Variants in LHCGR observed in about 807,000 individuals in gnomAD.
LHCGR encodes lutropin-choriogonadotropic hormone receptor.
Under a neutral mutation model 60.7 loss-of-function variants are expected in LHCGR, and 55 were observed. The observed-to-expected ratio is 0.91, with a 90% CI of 0.73 to 1.13. The LOEUF (loss-of-function observed/expected upper bound fraction) is 1.13, where lower values mean the gene tolerates loss of function less well. Ranked by LOEUF, LHCGR falls within the 50% of genes most tolerant of loss-of-function variation. The pLI is 0.00. For synonymous variants in LHCGR, 337 were observed against 316.5 expected, an observed-to-expected ratio of 1.06 and a Z score of -0.69; for missense variants, 862 against 836.0, an observed-to-expected ratio of 1.03 and a Z score of -0.38.
chr2:48,739,246 C>T (rs954722287), intron 1 of LHCGR, among the ~76,000 whole-genome samples: 9 of 152,340 alleles, frequency 5.9e-5, no homozygotes, highest in Non-Finnish European at 7.3e-5. Context: ...TTGTGGAAGT[C>T]AGTGTGGCGA....
intron 1 of LHCGR, among the ~76,000 whole-genome samples, chr2:48,746,244 T>C (rs1404179414): frequency 6.6e-6 from 1 of 152,238 alleles, no homozygotes; most frequent in Non-Finnish European, 1.5e-5. Context: ...GAATTGATTC[T>C]TCTGTTTGTC....
intron 1 of LHCGR, among the ~76,000 whole-genome samples, chr2:48,737,991 C>A (rs907189975): frequency 1.3e-5 from 2 of 152,186 alleles, no homozygotes; most frequent in African/African-American, 2.4e-5. Flanking sequence ...CTGTTGTCCT[C>A]CAACAATCAA....
chr2:48,737,066 A>G (rs1244799108), intron 1 of LHCGR, among the ~76,000 whole-genome samples: 5 of 152,206 alleles, frequency 3.3e-5, no homozygotes, highest in African/African-American at 1.2e-4. Context: ...CAGGGAAGAA[A>G]TGCAGCACCA....
intron 1 of LHCGR, among the ~76,000 whole-genome samples, chr2:48,751,952 A>G (rs991246016): frequency 1.4e-4 from 21 of 152,206 alleles, no homozygotes; most frequent in South Asian, 6.2e-4. Flanking sequence ...AAGCAGATCA[A>G]CCTTTCTGTT....
At position 48,731,285 on chromosome 2, in the gene LHCGR, G is replaced by C. The variant is rs1668973210; in HGVS notation, c.175C>G (p.Leu59Val). The C allele has an allele frequency of 6.2e-7, 1 of 1,610,922 alleles. No homozygotes were observed. The highest frequency in any genetic ancestry group is 1.3e-5 in the African/African-American group (1 of 74,838). The change falls in exon 2 of 11, where the codon CTC (leucine) becomes GTC (valine). Residue 59 changes from leucine to valine, a missense_variant. Physicochemically the swap from Leu to Val is conservative, Grantham distance 32 (BLOSUM62 1). Coordinates refer to ENST00000294954, the MANE Select transcript of LHCGR (RefSeq NM_000233.4). ...TGAGATGGGATCACTTTGACAGGGA[G>C]GTAGGCAAGTGATCTAGAAAAGAAA... ...AGLTRLSLAY[L>V]PVKVIPSQAF...
chr2:48,707,011 C>T (rs918394432), intron 8 of LHCGR, among the ~76,000 whole-genome samples: 3 of 152,186 alleles, frequency 2.0e-5, no homozygotes, highest in Admixed American at 6.5e-5. Context: ...GCTCTGGTTT[C>T]TCCCCATCTT....
At chr2:48,690,916 T>C (rs1048644939) in intron 10 of LHCGR, among the ~76,000 whole-genome samples, 2 of 152,254 alleles carry the variant, frequency 1.3e-5, no homozygotes, top group African/African-American at 4.8e-5. Flanking sequence ...AGAGTGTTCA[T>C]TCAATACATG....
At chr2:48,749,071 G>A (rs4074648) in intron 1 of LHCGR, among the ~76,000 whole-genome samples, 118,731 of 152,286 alleles carry the variant, frequency 0.78, 46,833 homozygotes, top group African/African-American at 0.9. Flanking sequence ...TCAAGGACAA[G>A]TGTAACAGCA....
chr2:48,712,590 A>T (rs13393141), intron 7 of LHCGR, among the ~76,000 whole-genome samples: 18,713 of 152,108 alleles, frequency 0.12, 1,388 homozygotes, highest in Middle Eastern at 0.23. Context: ...AGAACAACTT[A>T]AAAAATTCTA....
chr2:48,725,609 C>G (rs1668682750), intron 4 of LHCGR, 67 bp downstream of exon 4: 4 of 1,111,836 alleles, frequency 3.6e-6, no homozygotes, highest in Non-Finnish European at 4.1e-6. Flanking sequence ...CAACCTTTTC[C>G]TTGTTTTGAT....
At chr2:48,708,221 C>T (rs755628801) in intron 8 of LHCGR, among the ~76,000 whole-genome samples, 3 of 152,184 alleles carry the variant, frequency 2.0e-5, no homozygotes, top group East Asian at 3.9e-4. Context: ...CTAATCCTTG[C>T]ACCCTCAGAG....
intron 7 of LHCGR, among the ~76,000 whole-genome samples, chr2:48,710,870 C>T (rs1169125708): frequency 6.6e-6 from 1 of 152,166 alleles, no homozygotes; most frequent in Non-Finnish European, 1.5e-5. Flanking sequence ...GAAAATTTTG[C>T]TTGACAGTTT....
Position 48,688,669 on chromosome 2 carries a change from T to C in LHCGR, c.1128A>G (p.Gly376=), listed in dbSNP as rs375052537. The C allele has an allele frequency of 1.9e-6, 3 of 1,614,048 alleles. No homozygotes were observed. Among genetic ancestry groups the C allele is most frequent in the Non-Finnish European group, 2.5e-6 (3 of 1,180,050 alleles). Residue 376 remains glycine (G), a synonymous_variant, in exon 11 of 11, where the codon GGA becomes GGG. Coordinates refer to ENST00000294954, the MANE Select transcript of LHCGR (RefSeq NM_000233.4). This position sits in a 1 kb window ranked among gnomAD's most constrained non-coding sequence, Gnocchi z 5.2. ...GGAGAACAAAAAGAACAGTCATGTT[T>C]CCCATGATGGCTAGAATATTAATCA... ...IWLINILAIM[G]NMTVLFVLLT...
intron 8 of LHCGR, among the ~76,000 whole-genome samples, chr2:48,705,786 T>A (rs1667634592): frequency 6.6e-6 from 1 of 152,168 alleles, no homozygotes; most frequent in Non-Finnish European, 1.5e-5. Flanking sequence ...CCTATGTGTG[T>A]CTTTGCATGT....
chr2:48,688,758 G>C lies in LHCGR; in HGVS notation c.1039C>G (p.Pro347Ala), dbSNP rs747440074. The C allele has an allele frequency of 1.2e-6, 2 of 1,614,062 alleles. No individual in the cohort carries two copies. Among genetic ancestry groups the C allele is most frequent in the East Asian group, 2.2e-5 (1 of 44,876 alleles). The part of the protein sequence containing the change: ...LPKTPRCAPE[P>A]DAFNPCEDIM... The stretch of plus-strand genomic sequence containing the variant: ...TCTTCACAGGGATTAAAAGCATCTG[G>C]TTCAGGAGCACATCGGGGTGTCTTG... Residue 347 changes from proline (P) to alanine (A), a missense_variant, in exon 11 of 11, where the codon CCA (proline) becomes GCA (alanine). Physicochemically the swap from Pro to Ala is conservative, Grantham distance 27 (BLOSUM62 -1). Coordinates refer to ENST00000294954, the MANE Select transcript of LHCGR (RefSeq NM_000233.4). This position sits in a 1 kb window ranked among gnomAD's most constrained non-coding sequence, Gnocchi z 5.2.
At chr2:48,718,839 C>G (rs928339419) in intron 6 of LHCGR, among the ~76,000 whole-genome samples, 1 of 152,108 alleles carries the variant, frequency 6.6e-6, no homozygotes, top group African/African-American at 2.4e-5. Flanking sequence ...GAATCAGGGT[C>G]CCCCCATTTC....
intron 3 of LHCGR, 138 bp from the exon 4 acceptor site, chr2:48,725,888 A>C: frequency 1.4e-6 from 1 of 712,186 alleles, no homozygotes; most frequent in Non-Finnish European, 2.5e-6. Context: ...GCTTGGGAGG[A>C]CCCCTAGCGA....
chr2:48,709,245 C>G (rs1053499973), intron 7 of LHCGR, among the ~76,000 whole-genome samples: 1 of 152,108 alleles, frequency 6.6e-6, no homozygotes, highest in Non-Finnish European at 1.5e-5. Context: ...TCCATTCCCC[C>G]CTTCACTTGG....
intron 7 of LHCGR, among the ~76,000 whole-genome samples, chr2:48,709,788 C>A (rs1667888469): frequency 6.6e-6 from 1 of 152,164 alleles, no homozygotes; most frequent in Non-Finnish European, 1.5e-5. Context: ...ATCTGGTCCT[C>A]CTAGGCAGCC....
Sources: allele counts gnomAD v4.1 joint callset (sites outside exome capture counted in the v4.1 genomes callset), GRCh38; gene constraint gnomAD v4.1.1; non-coding constraint Gnocchi (gnomAD v3.1); transcripts MANE v1.5; gene names NCBI Gene and HGNC (gene_info 2026-07-23, HGNC 2026-07-21).